CATSPERB: variants seen among roughly 807,000 people sequenced by gnomAD.
The protein encoded by CATSPERB is cation channel sperm-associated auxiliary subunit beta.
In CATSPERB, 93 loss-of-function variants were observed where a neutral mutation model predicts 128.3. The ratio of observed to expected loss-of-function variants is 0.72; its 90% confidence interval spans 0.61 to 0.86. The LOEUF (loss-of-function observed/expected upper bound fraction) is 0.86, where lower values mean the gene tolerates loss of function less well. CATSPERB is among the 40% of genes least tolerant of loss of function. The probability of loss-of-function intolerance (pLI) is 0.00; values close to 1 mark genes in which losing one functional copy is unlikely to be tolerated. For missense variants in CATSPERB, 1,153 were observed against 1,329.5 expected (o/e 0.87, Z 2.06); for synonymous variants, 381 against 448.8 (o/e 0.85, Z 1.91).
rs145028099 is a variant in CATSPERB, at chr14:91,670,863, C to T, written c.1129-891G>A. 4.2e-4 allele frequency among the ~76,000 whole-genome samples: 64 copies of T among 151,856 alleles called. No homozygotes were observed. The East Asian group carries it at 0.012, about 30-fold the overall frequency. On this transcript the variant is annotated intron_variant, in intron 13 of 26. Transcript: ENST00000256343. ...TACTAAAAATACAAAAATTAGCTGG[C>T]GTGGTGGCACACACCTGTAATTTCT...
chr14:91,603,268 A>G (rs1305797167), intron 22 of CATSPERB: 11 of 1,182,268 alleles, frequency 9.3e-6, no homozygotes, highest in Non-Finnish European at 1.4e-5. Context: ...GCCAGCATAT[A>G]TTATTCACCT....
chr14:91,667,532 T>A (rs1412920267), intron 14 of CATSPERB, among the ~76,000 whole-genome samples: 2 of 152,210 alleles, frequency 1.3e-5, no homozygotes, highest in Non-Finnish European at 2.9e-5. Flanking sequence ...CCAAGGCATA[T>A]TCTTCTTATG....
chr14:91,625,015 C>A lies in CATSPERB; in HGVS notation c.1743-8G>T. 1 of 1,551,074 alleles carries A rather than the reference C, an allele frequency of 6.4e-7. No individual in the cohort carries two copies. The stretch of plus-strand genomic sequence containing the variant: ...TAAGCTCTTCCAGTTTTCCTAAAAA[C>A]AAATAAAACCATTAAGCAATTTGGA... On this transcript the variant is annotated splice_region_variant and splice_polypyrimidine_tract_variant and intron_variant, in intron 17 of 26. Transcript: ENST00000256343.
At chr14:91,715,450 C>G (rs1200592084) in intron 5 of CATSPERB, among the ~76,000 whole-genome samples, 1 of 150,650 alleles carries the variant, frequency 6.6e-6, no homozygotes, top group Non-Finnish European at 1.5e-5. Context: ...TACTGAGGAG[C>G]CTGAGGCAGG....
At chr14:91,605,391 T>G (rs567120347) in intron 22 of CATSPERB, 5 of 554,572 alleles carry the variant, frequency 9.0e-6, no homozygotes, top group Non-Finnish European at 1.6e-5. Context: ...GCTTTAAGAC[T>G]TTTTTCTGGA....
chr14:91,717,530 A>C (rs1895963100), intron 5 of CATSPERB, among the ~76,000 whole-genome samples: 2 of 152,210 alleles, frequency 1.3e-5, no homozygotes, highest in South Asian at 4.1e-4. Context: ...CTGAAAATGA[A>C]GATAGTAATA....
Position 91,719,426 on chromosome 14 carries a change from T to A in CATSPERB, c.362A>T (p.Gln121Leu). ...LVDIPRENITQSTDIAAVEEW... is the reference protein window; with the variant it reads ...LVDIPRENITLSTDIAAVEEW... The stretch of plus-strand genomic sequence containing the variant: ...ATTCAGATCACTCTTACCTGTGCTT[T>A]GTGTGATGTTTTCTCTAGGAATATC... The change falls in exon 5 of 27, where the codon CAA becomes CTA. Residue 121 changes from glutamine to leucine, a missense_variant. By Grantham distance (113) the Gln-to-Leu change is moderately radical. Coordinates refer to ENST00000256343, the MANE Select transcript of CATSPERB (RefSeq NM_024764.4). The A allele has an allele frequency of 1.9e-6, 3 of 1,610,570 alleles. No homozygotes were observed. In the South Asian group the frequency reaches 3.3e-5, roughly 18 times the overall value.
At chr14:91,714,271 A>C (rs1895893871) in intron 5 of CATSPERB, among the ~76,000 whole-genome samples, 1 of 108,236 alleles carries the variant, frequency 9.2e-6, no homozygotes, top group South Asian at 4.4e-4. Context: ...TACCAGTACA[A>C]TAAGGCAAAA....
At chr14:91,723,845 T>TTGAC (rs1896074407) in intron 3 of CATSPERB, among the ~76,000 whole-genome samples, 1 of 151,616 alleles carries the variant, frequency 6.6e-6, no homozygotes, top group Non-Finnish European at 1.5e-5. Flanking sequence ...CTAATGGAGA[T>TTGAC]TGGCAAGTAG....
At position 91,610,575 on chromosome 14, in the gene CATSPERB, T is replaced by C; in HGVS notation, c.2503A>G (p.Met835Val). The change falls in exon 21 of 27, where the codon ATG becomes GTG. Residue 835 changes from methionine to valine, a missense_variant. Met to Val is a conservative substitution (Grantham distance 21). Coordinates refer to ENST00000256343, the MANE Select transcript of CATSPERB (RefSeq NM_024764.4). ...ATAAATTTGCTAGGAATGTGATGCA[T>C]AGATCTGAGATAACTACAGCTGCTT... ...LKSSCSYLRS[M>V]HHIPSKFIPF... 2 of 1,614,020 alleles carry C rather than the reference T, an allele frequency of 1.2e-6. No homozygotes were observed. The highest frequency in any genetic ancestry group is 8.5e-7 in the Non-Finnish European group (1 of 1,179,920).
At chr14:91,633,571 T>G (rs899694908) in intron 17 of CATSPERB, among the ~76,000 whole-genome samples, 1 of 152,058 alleles carries the variant, frequency 6.6e-6, no homozygotes, top group Non-Finnish European at 1.5e-5. Flanking sequence ...AGTCCAGAAA[T>G]GTATGAAAAC....
intron 15 of CATSPERB, among the ~76,000 whole-genome samples, chr14:91,649,486 C>T (rs1384970925): frequency 6.8e-6 from 1 of 146,938 alleles, no homozygotes; most frequent in Admixed American, 6.8e-5. Context: ...CTTTTTAAGA[C>T]TTGTATTGTA....
chr14:91,704,362 T>C (rs1895701704), intron 7 of CATSPERB, among the ~76,000 whole-genome samples, 190 bp downstream of exon 7: 1 of 152,144 alleles, frequency 6.6e-6, no homozygotes, highest in African/African-American at 2.4e-5. Flanking sequence ...AAAGTCACAG[T>C]AAGAAAACAT....
intron 14 of CATSPERB, among the ~76,000 whole-genome samples, chr14:91,668,801 G>A (rs1366003252): frequency 2.6e-5 from 4 of 152,116 alleles, no homozygotes; most frequent in African/African-American, 9.7e-5. Flanking sequence ...TGAAGTCAGC[G>A]AGACCACGCA....
At chr14:91,624,761 A>T in intron 18 of CATSPERB, 59 bp downstream of exon 18, 2 of 1,316,576 alleles carry the variant, frequency 1.5e-6, no homozygotes, top group Non-Finnish European at 2.0e-6. Flanking sequence ...ATGCCTTCAC[A>T]AAAGATAATT....
intron 5 of CATSPERB, among the ~76,000 whole-genome samples, chr14:91,713,916 C>T (rs900186300): frequency 3.3e-5 from 5 of 151,998 alleles, no homozygotes; most frequent in African/African-American, 1.2e-4. Flanking sequence ...ACCTACTAGC[C>T]AAATGAATTC....
chr14:91,581,391 T>C (rs563859083), intron 26 of CATSPERB, among the ~76,000 whole-genome samples: 2 of 152,320 alleles, frequency 1.3e-5, no homozygotes, highest in East Asian at 3.9e-4. Context: ...ACATTCTCTG[T>C]TCAGTCTCAG....
In CATSPERB at chr14:91,587,274, G is replaced by A. The variant is rs1260825801; in HGVS notation, c.3060C>T (p.Gly1020=). 1 of 1,602,122 alleles carries A rather than the reference G, an allele frequency of 6.2e-7. No homozygotes were observed. Among genetic ancestry groups the A allele is most frequent in the Non-Finnish European group, 8.5e-7 (1 of 1,175,688 alleles). Residue 1020 remains glycine (G), a splice_region_variant and synonymous_variant, in exon 26 of 27, where the codon GGC becomes GGT. Transcript: ENST00000256343. ...NPSGLNLSIK[G]SELFHFRVTV... is the part of the protein sequence containing the mutation. ...TCACTCTAAAGTGGAAAAGTTCAGA[G>A]CCCTGTGGAAAAAAGCACACCCAGT...
At chr14:91,663,616 G>C (rs1410841320) in intron 14 of CATSPERB, among the ~76,000 whole-genome samples, 1 of 126,780 alleles carries the variant, frequency 7.9e-6, no homozygotes, top group East Asian at 2.3e-4. Flanking sequence ...CTGCACTCCA[G>C]CCTGGGCGAC....
Sources: gnomAD v4.1 joint callset for allele counts (sites outside exome capture counted in the v4.1 genomes callset) on GRCh38, gnomAD v4.1.1 for gene constraint, MANE v1.5 for transcripts, NCBI Gene and HGNC (gene_info 2026-07-23, HGNC 2026-07-21) for gene names.